Variants in DMD observed in about 807,000 individuals in gnomAD.
DMD encodes mutant dystrophin.
A neutral mutation model predicts 330.1 loss-of-function variants in DMD; 63 were observed. The observed-to-expected ratio is 0.19, with a 90% CI of 0.16 to 0.24. The LOEUF (loss-of-function observed/expected upper bound fraction) is 0.24, where lower values mean the gene tolerates loss of function less well. Among genes scored for constraint, DMD ranks in the 10% least tolerant of loss-of-function variants. The pLI is 1.00. For synonymous variants in DMD, 1,223 were observed against 959.8 expected, an observed-to-expected ratio of 1.27 and a Z score of -5.07; for missense variants, 3,344 against 2,684.1, an observed-to-expected ratio of 1.25 and a Z score of -5.43.
At chrX:32,681,251 T>C (rs7050889) in intron 9 of DMD, among the ~76,000 whole-genome samples, 15,590 of 111,259 alleles carry the variant, frequency 0.14, 2,565 homozygotes, top group African/African-American at 0.47. Flanking sequence ...GAAATCTTCC[T>C]GAGTACGAGT....
intron 60 of DMD, among the ~76,000 whole-genome samples, chrX:31,438,206 C>T (rs927301191): frequency 5.4e-5 from 6 of 111,527 alleles, no homozygotes; most frequent in African/African-American, 2.0e-4. Flanking sequence ...TTTGGGATGG[C>T]ATTATACTTA....
chrX:31,631,525 C>A (rs2079135443), intron 54 of DMD, among the ~76,000 whole-genome samples: 1 of 111,248 alleles, frequency 9.0e-6, no homozygotes, highest in African/African-American at 3.3e-5. Flanking sequence ...TTCAGAGATC[C>A]TCCTGGGGAA....
At chrX:31,934,235 G>A (rs907510373) in intron 45 of DMD, among the ~76,000 whole-genome samples, 1 of 111,626 alleles carries the variant, frequency 9.0e-6, no homozygotes, top group African/African-American at 3.3e-5. Flanking sequence ...GCAGGAATAA[G>A]ACACAGCCTG....
chrX:32,053,939 A>G, intron 44 of DMD, among the ~76,000 whole-genome samples: 1 of 110,657 alleles, frequency 9.0e-6, no homozygotes, highest in South Asian at 3.8e-4. Flanking sequence ...AAAAAAGACT[A>G]TATACCTAAA....
intron 74 of DMD, among the ~76,000 whole-genome samples, chrX:31,163,449 C>T (rs758235589): frequency 9.0e-6 from 1 of 111,493 alleles, no homozygotes; most frequent in Admixed American, 9.5e-5. Flanking sequence ...TAAATTGCCC[C>T]GTATGAAAAT....
At chrX:33,271,280 T>C (rs1343469041) in intron 1 of DMD, among the ~76,000 whole-genome samples, 1 of 111,114 alleles carries the variant, frequency 9.0e-6, no homozygotes, top group Non-Finnish European at 1.9e-5. Context: ...TTGCCTATTA[T>C]TTAATCTTTT....
chrX:32,375,529 G>T (rs2038355), intron 34 of DMD, among the ~76,000 whole-genome samples: 48,754 of 110,575 alleles, frequency 0.44, 7,852 homozygotes, highest in East Asian at 0.71. Context: ...TCTTATATGT[G>T]ATTTTAGACA....
intron 27 of DMD, among the ~76,000 whole-genome samples, chrX:32,447,686 G>T (rs974560116): frequency 1.8e-5 from 2 of 111,766 alleles, no homozygotes; most frequent in African/African-American, 6.5e-5. Context: ...CTGTGTGAGG[G>T]AAGGGGGCTT....
chrX:32,912,635 T>C (rs1400019287), intron 2 of DMD, among the ~76,000 whole-genome samples: 1 of 112,091 alleles, frequency 8.9e-6, no homozygotes, highest in Non-Finnish European at 1.9e-5. Flanking sequence ...ATAATGCTGA[T>C]TGAAAGAAAC....
At chrX:31,530,647 C>CTGTTTTTT (rs1688116419) in intron 55 of DMD, among the ~76,000 whole-genome samples, 1 of 49,845 alleles carries the variant, frequency 2.0e-5, no homozygotes, top group Non-Finnish European at 3.6e-5. Context: ...ACTGGTTTCT[C>CTGTTTTTT]TTTTTTTTTT....
intron 55 of DMD, among the ~76,000 whole-genome samples, chrX:31,543,187 T>A (rs1043006481): frequency 2.7e-5 from 3 of 111,105 alleles, no homozygotes; most frequent in Non-Finnish European, 3.8e-5. Flanking sequence ...ATTTTATTTT[T>A]TTTAGATAGA....
In DMD at chrX:31,920,032, A is replaced by G. The variant is rs779805607; in HGVS notation, c.6912+9564T>C. Among the ~76,000 whole-genome samples, 3 of 112,525 alleles carry G rather than the reference A, an allele frequency of 2.7e-5. No homozygotes were observed. The South Asian group carries it at 1.1e-3, about 41-fold the overall frequency. On this transcript the variant is annotated intron_variant, in intron 47 of 78. Coordinates refer to ENST00000357033, the MANE Select transcript of DMD (RefSeq NM_004006.3). The stretch of plus-strand genomic sequence containing the variant: ...CAATAAAAGGTAAGAAACCCATTAC[A>G]GATCTGTTATAAGCCTTGGCAGGTG...
intron 16 of DMD, among the ~76,000 whole-genome samples, chrX:32,546,073 C>T (rs778619393): frequency 3.8e-5 from 4 of 105,688 alleles, no homozygotes; most frequent in Non-Finnish European, 5.8e-5. Context: ...CTTTTGGCAG[C>T]GGGCCGGGGG....
chrX:31,622,887 C>T (rs2078633423), intron 55 of DMD, among the ~76,000 whole-genome samples: 1 of 103,052 alleles, frequency 9.7e-6, no homozygotes, highest in East Asian at 3.0e-4. Flanking sequence ...TACACACACA[C>T]ACACACACAC....
Position 31,432,364 on chromosome X carries a change from T to C in DMD, c.9084+12117A>G, listed in dbSNP as rs1380175679. Among the ~76,000 whole-genome samples the C allele has an allele frequency of 5.4e-5, 6 of 112,133 alleles. No homozygotes were observed. In the East Asian group the frequency reaches 1.7e-3, roughly 31 times the overall value. ...CAGGGCGGAAAGGATTAAATTCTTCTTATAAAGGGAGAACAAATAGATTAG... is the reference window on the plus strand; with the variant it reads ...CAGGGCGGAAAGGATTAAATTCTTCCTATAAAGGGAGAACAAATAGATTAG... On this transcript the variant is annotated intron_variant, in intron 60 of 78. Transcript: ENST00000357033.
At chrX:32,907,133 G>T (rs544925932) in intron 2 of DMD, among the ~76,000 whole-genome samples, 2 of 111,795 alleles carry the variant, frequency 1.8e-5, no homozygotes, top group Non-Finnish European at 3.8e-5. Context: ...TATAATGCAA[G>T]CTTCACTTAA....
At chrX:32,663,663 G>A (rs1357072628) in intron 9 of DMD, among the ~76,000 whole-genome samples, 1 of 111,704 alleles carries the variant, frequency 9.0e-6, no homozygotes, top group Non-Finnish European at 1.9e-5. Flanking sequence ...ATACAAAACA[G>A]ACAGAAATCT....
At chrX:31,553,303 G>A (rs1370988184) in intron 55 of DMD, among the ~76,000 whole-genome samples, 1 of 112,411 alleles carries the variant, frequency 8.9e-6, no homozygotes, top group Non-Finnish European at 1.9e-5. Context: ...TCTCTCATTA[G>A]TGGTCCCCTC....
At chrX:31,362,447 C>T (rs919018682) in intron 60 of DMD, among the ~76,000 whole-genome samples, 19 of 111,816 alleles carry the variant, frequency 1.7e-4, no homozygotes, top group Admixed American at 5.7e-4. Flanking sequence ...AAGGTATATA[C>T]GAAATATAAA....
Sources: gnomAD v4.1 joint callset for allele counts (sites outside exome capture counted in the v4.1 genomes callset) on GRCh38, gnomAD v4.1.1 for gene constraint, MANE v1.5 for transcripts, NCBI Gene and HGNC (gene_info 2026-07-23, HGNC 2026-07-21) for gene names.